Variants in MGAT5 observed in about 807,000 individuals in gnomAD.
The protein encoded by MGAT5 is alpha-1,6-mannosylglycoprotein 6-beta-N-acetylglucosaminyltransferase.
MGAT5 carries 30 observed loss-of-function variants against 94.3 expected under a neutral mutation model. The observed-to-expected ratio is 0.32, with a 90% CI of 0.24 to 0.43. The LOEUF is 0.43. Among genes scored for constraint, MGAT5 ranks in the 20% least tolerant of loss-of-function variants. The pLI, the probability that MGAT5 is intolerant of heterozygous loss-of-function variation, is 1.00. For missense variants in MGAT5, 691 were observed against 905.5 expected, an observed-to-expected ratio of 0.76 and a Z score of 3.04; for synonymous variants, 310 against 322.9, an observed-to-expected ratio of 0.96 and a Z score of 0.43.
intron 2 of MGAT5, among the ~76,000 whole-genome samples, chr2:134,276,157 C>A (rs553916468): frequency 2.0e-5 from 3 of 149,380 alleles, no homozygotes; most frequent in South Asian, 4.3e-4. Context: ...GTTCACAAGC[C>A]CCCCCACCCC....
intron 1 of MGAT5, among the ~76,000 whole-genome samples, chr2:134,257,066 A>T (rs536272046): frequency 6.6e-6 from 1 of 152,304 alleles, no homozygotes; most frequent in Non-Finnish European, 1.5e-5. Flanking sequence ...TCTACCCACT[A>T]GATGCCAGTA....
intron 10 of MGAT5, among the ~76,000 whole-genome samples, chr2:134,387,326 ATATATATTTTTTT>A (rs1317633159): frequency 5.4e-5 from 2 of 36,746 alleles, no homozygotes; most frequent in African/African-American, 2.8e-4. Flanking sequence ...ATATATATAT[ATATATATTTTTTT>A]TTTTTTTTTT....
intron 10 of MGAT5, among the ~76,000 whole-genome samples, chr2:134,400,211 C>T (rs549076473): frequency 2.0e-5 from 3 of 152,256 alleles, no homozygotes; most frequent in African/African-American, 4.8e-5. Context: ...TCTGGGGCAC[C>T]TTTACCTGGA....
chr2:134,406,064 C>T (rs1394745128), intron 11 of MGAT5, among the ~76,000 whole-genome samples: 1 of 152,196 alleles, frequency 6.6e-6, no homozygotes, highest in Non-Finnish European at 1.5e-5. Flanking sequence ...CAGTTTAAGC[C>T]AGCAAATCAG....
At chr2:134,263,940 GTGTGTATA>G (rs1683495854) in intron 1 of MGAT5, among the ~76,000 whole-genome samples, 1 of 148,884 alleles carries the variant, frequency 6.7e-6, no homozygotes, top group Non-Finnish European at 1.5e-5. Context: ...ATACGTACAT[GTGTGTATA>G]TGTGTATATA....
chr2:134,125,881 GCTGGATTTTACATTTCACTCTTATTAATT>G (rs1685816983), intron 1 of MGAT5, among the ~76,000 whole-genome samples: 1 of 152,184 alleles, frequency 6.6e-6, no homozygotes, highest in Admixed American at 6.5e-5. Flanking sequence ...TCCAGTCTGG[GCTGGATTTTACATTTCACTCTTATTAATT>G]CTCTGTGTTT....
At chr2:134,204,450 G>A (rs1341809316) in intron 1 of MGAT5, among the ~76,000 whole-genome samples, 1 of 152,158 alleles carries the variant, frequency 6.6e-6, no homozygotes, top group East Asian at 1.9e-4. Context: ...GTGGTGTGAT[G>A]TCCTGGGGTT....
intron 4 of MGAT5, among the ~76,000 whole-genome samples, chr2:134,321,621 C>T (rs549373024): frequency 3.9e-5 from 6 of 152,274 alleles, no homozygotes; most frequent in East Asian, 3.9e-4. Flanking sequence ...CATTTTGGAA[C>T]GAGCAACTAC....
At chr2:134,300,898 C>T (rs985992046) in intron 2 of MGAT5, among the ~76,000 whole-genome samples, 4 of 152,120 alleles carry the variant, frequency 2.6e-5, no homozygotes, top group African/African-American at 9.7e-5. Context: ...ATACCCTGCA[C>T]AGCCCAGTTC....
chr2:134,321,559 A>T (rs924206139), intron 4 of MGAT5, among the ~76,000 whole-genome samples: 22 of 152,320 alleles, frequency 1.4e-4, no homozygotes, highest in Non-Finnish European at 2.6e-4. Flanking sequence ...GGAATACGGG[A>T]TGAAGAGACA....
intron 3 of MGAT5, among the ~76,000 whole-genome samples, chr2:134,318,241 C>T (rs151333067): frequency 4.9e-4 from 74 of 152,222 alleles, no homozygotes; most frequent in Middle Eastern, 3.4e-3. Context: ...AACGCTCGTC[C>T]GTGCCCTCCT....
chr2:134,371,539 T>C (rs1680799955), intron 10 of MGAT5, among the ~76,000 whole-genome samples: 1 of 152,192 alleles, frequency 6.6e-6, no homozygotes, highest in Admixed American at 6.5e-5. Flanking sequence ...AGCCCAGATA[T>C]GGGCCGCTGT....
rs561973093 is a variant in MGAT5 at position 134,136,560 on chromosome 2, C to G, written c.-143+16269C>G. Among the ~76,000 whole-genome samples the G allele has an allele frequency of 2.0e-5, 3 of 152,164 alleles. No homozygotes were observed. The South Asian group carries it at 6.2e-4, about 32-fold the overall frequency. ...CCAGCCTGGGCAACAGGGTGAGACT[C>G]TGTCTCAAAATACATGAATAAATAA... On this transcript the variant is annotated intron_variant, in intron 1 of 16. Coordinates refer to the MGAT5 transcript ENST00000409645.
chr2:134,251,781 C>G (rs1183138788), upstream of MGAT5, among the ~76,000 whole-genome samples: 4 of 152,144 alleles, frequency 2.6e-5, no homozygotes, highest in African/African-American at 9.7e-5. Flanking sequence ...TTAAAATTGT[C>G]TCTTTTAGAA....
chr2:134,376,824 C>A (rs1368931787), intron 10 of MGAT5, among the ~76,000 whole-genome samples: 2 of 152,150 alleles, frequency 1.3e-5, no homozygotes, highest in African/African-American at 4.8e-5. Flanking sequence ...CAAGGATAGG[C>A]CCCCTGAAAA....
intron 4 of MGAT5, among the ~76,000 whole-genome samples, chr2:134,335,539 AT>A (rs1210222848): frequency 6.6e-6 from 1 of 151,248 alleles, no homozygotes; most frequent in Non-Finnish European, 1.5e-5. Flanking sequence ...CCTCCCCTCA[AT>A]TTCTAAACCT....
intron 1 of MGAT5, among the ~76,000 whole-genome samples, chr2:134,163,215 T>C (rs1687817824): frequency 6.6e-6 from 1 of 152,124 alleles, no homozygotes; most frequent in Non-Finnish European, 1.5e-5. Flanking sequence ...AGCTACGATA[T>C]GGAGAAAAGG....
At chr2:134,151,921 C>T (rs1203456413) in intron 1 of MGAT5, among the ~76,000 whole-genome samples, 1 of 143,844 alleles carries the variant, frequency 7.0e-6, no homozygotes, top group Non-Finnish European at 1.5e-5. Context: ...CACTCACGCC[C>T]TGTGGGACCC....
At chr2:134,291,813 T>C (rs1243747170) in intron 2 of MGAT5, among the ~76,000 whole-genome samples, 1 of 152,230 alleles carries the variant, frequency 6.6e-6, no homozygotes, top group Non-Finnish European at 1.5e-5. Flanking sequence ...TAGAAGCTTT[T>C]AAAGTTTGGG....
Sources: allele counts gnomAD v4.1 joint callset (sites outside exome capture counted in the v4.1 genomes callset), GRCh38; gene constraint gnomAD v4.1.1; transcripts MANE v1.5; gene names NCBI Gene and HGNC (gene_info 2026-07-23, HGNC 2026-07-21).